Variants in SPECC1L observed in about 807,000 individuals in gnomAD.
SPECC1L encodes cytospin-A.
In SPECC1L, 40 loss-of-function variants were observed where a neutral mutation model predicts 116.8. The observed-to-expected ratio is 0.34, with a 90% CI of 0.27 to 0.45. SPECC1L has a LOEUF of 0.45. Among genes scored for constraint, SPECC1L ranks in the 20% least tolerant of loss-of-function variants. SPECC1L has a pLI of 1.00. For synonymous variants in SPECC1L, 504 were observed against 500.6 expected, an observed-to-expected ratio of 1.01 and a Z score of -0.09; for missense variants, 1,110 against 1,373.6, an observed-to-expected ratio of 0.81 and a Z score of 3.03.
chr22:24,411,479 T>G, intron 14 of SPECC1L, 109 bp from the exon 15 acceptor site: 2 of 1,010,586 alleles, frequency 2.0e-6, no homozygotes, highest in Non-Finnish European at 3.1e-6. Flanking sequence ...TGGTTTTGGT[T>G]TTGTGTTTTG....
intron 11 of SPECC1L, among the ~76,000 whole-genome samples, chr22:24,358,528 T>C (rs912698521): frequency 6.6e-6 from 1 of 152,200 alleles, no homozygotes. Flanking sequence ...GTTCAATTAT[T>C]TTGTCCATAA....
chr22:24,351,501 C>T (rs565102811), intron 11 of SPECC1L, among the ~76,000 whole-genome samples: 2 of 152,150 alleles, frequency 1.3e-5, no homozygotes, highest in Non-Finnish European at 2.9e-5. Flanking sequence ...GGGTACATGC[C>T]GTCAGTCTAT....
chr22:24,410,830 A>C (rs542570775), intron 14 of SPECC1L, among the ~76,000 whole-genome samples: 1 of 152,256 alleles, frequency 6.6e-6, no homozygotes, highest in South Asian at 2.1e-4. Flanking sequence ...GACTTGGAGG[A>C]TCTTTGACAT....
At chr22:24,367,795 C>T (rs1280793492) in intron 13 of SPECC1L, among the ~76,000 whole-genome samples, 3 of 152,288 alleles carry the variant, frequency 2.0e-5, no homozygotes, top group Middle Eastern at 3.4e-3. Flanking sequence ...CTGAGGAATA[C>T]TAAGCTGCTT....
intron 12 of SPECC1L, 136 bp from the exon 13 acceptor site, chr22:24,365,340 C>T (rs767974247): frequency 4.1e-5 from 32 of 789,092 alleles, no homozygotes; most frequent in Non-Finnish European, 5.2e-5. Context: ...ATAAGAAATA[C>T]TTTCCAGTTA....
At chr22:24,307,603 G>A (rs1266732823) in intron 3 of SPECC1L, among the ~76,000 whole-genome samples, 1 of 151,588 alleles carries the variant, frequency 6.6e-6, no homozygotes, top group Non-Finnish European at 1.5e-5. Context: ...GTATGTGAGT[G>A]TGTGTGTGTG....
At chr22:24,302,845 C>G (rs1050860300) in intron 3 of SPECC1L, among the ~76,000 whole-genome samples, 23 of 152,156 alleles carry the variant, frequency 1.5e-4, no homozygotes, top group African/African-American at 4.8e-4. Context: ...TCTGGCAGTC[C>G]TGTGACCCCT....
intron 14 of SPECC1L, among the ~76,000 whole-genome samples, chr22:24,401,763 G>A (rs2146780657): frequency 6.6e-6 from 1 of 152,286 alleles, no homozygotes; most frequent in African/African-American, 2.4e-5. Context: ...GAGCCTTCCT[G>A]TTGGCTGTGG....
At chr22:24,325,972 G>A (rs146658561) in intron 6 of SPECC1L, among the ~76,000 whole-genome samples, 175 of 152,058 alleles carry the variant, frequency 1.2e-3, no homozygotes, top group African/African-American at 4.0e-3. Flanking sequence ...TGCTTTTTTG[G>A]GATGGAGTTT....
chr22:24,405,838 CAA>C (rs35648769), intron 14 of SPECC1L, among the ~76,000 whole-genome samples: 228 of 136,400 alleles, frequency 1.7e-3, no homozygotes, highest in Non-Finnish European at 1.4e-3. Context: ...GACTCTGCCT[CAA>C]AAAAAAAAAA....
chr22:24,386,337 A>G (rs1293679025), intron 14 of SPECC1L, among the ~76,000 whole-genome samples: 4 of 152,136 alleles, frequency 2.6e-5, no homozygotes, highest in African/African-American at 9.7e-5. Context: ...AGGCTGAGGC[A>G]GGAGGATCCC....
chr22:24,396,537 A>T (rs1194031920), intron 14 of SPECC1L, among the ~76,000 whole-genome samples: 1 of 152,028 alleles, frequency 6.6e-6, no homozygotes, highest in Non-Finnish European at 1.5e-5. Context: ...ACCTCAGGTA[A>T]TTCACCCATC....
intron 14 of SPECC1L, among the ~76,000 whole-genome samples, chr22:24,375,471 T>C (rs1189648442): frequency 6.6e-6 from 1 of 152,132 alleles, no homozygotes; most frequent in Non-Finnish European, 1.5e-5. Flanking sequence ...ATCCCAGCAA[T>C]GCAAGGTTGG....
At chr22:24,325,521 T>G (rs888760423) in intron 6 of SPECC1L, among the ~76,000 whole-genome samples, 3 of 151,144 alleles carry the variant, frequency 2.0e-5, no homozygotes, top group African/African-American at 7.3e-5. Context: ...GCTGCCACTT[T>G]CCCTTTTACT....
At chr22:24,375,664 C>T (rs187917427) in intron 14 of SPECC1L, among the ~76,000 whole-genome samples, 204 of 152,266 alleles carry the variant, frequency 1.3e-3, no homozygotes, top group Non-Finnish European at 2.4e-3. Context: ...CCTATGAAAA[C>T]CCACAGTTGG....
Position 24,339,452 on chromosome 22 carries a change from G to A in SPECC1L, c.2652+975G>A, listed in dbSNP as rs143925717. Among the ~76,000 whole-genome samples, 518 of 152,308 alleles carry A rather than the reference G, an allele frequency of 3.4e-3. 5 individuals are homozygous for A. The highest frequency in any genetic ancestry group is 0.011 in the African/African-American group (477 of 41,558). ...AACAAGTTTTAAAAGTTGCTCCTCC[G>A]TGCCATTGTGGAATGCAGATGAGAA... is the stretch of plus-strand genomic sequence containing the variant. On this transcript the variant is annotated intron_variant, in intron 10 of 16. Transcript: ENST00000314328.
At chr22:24,359,554 C>CTG (rs931518444) in intron 11 of SPECC1L, among the ~76,000 whole-genome samples, 2 of 152,122 alleles carry the variant, frequency 1.3e-5, no homozygotes, top group African/African-American at 4.8e-5. Context: ...GCCCTTGAAT[C>CTG]TGTGTCCCTC....
intron 4 of SPECC1L, 94 bp downstream of exon 4, chr22:24,313,560 A>C (rs2040501201): frequency 7.1e-7 from 1 of 1,412,488 alleles, no homozygotes; most frequent in Non-Finnish European, 9.9e-7. Flanking sequence ...AATTATAGGA[A>C]ATTTTAGACA....
chr22:24,356,092 A>T (rs190620142), intron 11 of SPECC1L, among the ~76,000 whole-genome samples: 6 of 151,878 alleles, frequency 4.0e-5, no homozygotes, highest in Non-Finnish European at 8.8e-5. Context: ...TACAGCATAC[A>T]GCTTTTTTTT....
Sources: allele counts gnomAD v4.1 joint callset (sites outside exome capture counted in the v4.1 genomes callset), GRCh38; gene constraint gnomAD v4.1.1; transcripts MANE v1.5; gene names NCBI Gene and HGNC (gene_info 2026-07-23, HGNC 2026-07-21).